Variants in DOCK8 observed in about 807,000 individuals in gnomAD.
DOCK8 encodes dedicator of cytokinesis 8, also known as dedicator of cytokinesis protein 8.
A neutral mutation model predicts 245.6 loss-of-function variants in DOCK8; 141 were observed. That is an observed-to-expected ratio of 0.57 (90% CI 0.50 to 0.66). DOCK8 has a LOEUF of 0.66. DOCK8 is among the 30% of genes least tolerant of loss of function. DOCK8 has a pLI of 0.00. For missense variants in DOCK8, 2,965 were observed against 2,603.4 expected, an observed-to-expected ratio of 1.14 and a Z score of -3.02; for synonymous variants, 1,168 against 970.2, an observed-to-expected ratio of 1.20 and a Z score of -3.79.
Position 407,089 on chromosome 9 carries a change from A to T in DOCK8, c.3530+20A>T, listed in dbSNP as rs370543428. ...GGAAGGGTATGTTTCTGGCATTTAA[A>T]ATGGAAGATGAAGCCAAAAAAACAG... On this transcript the variant is annotated intron_variant, in intron 28 of 47. Coordinates refer to ENST00000432829, the MANE Select transcript of DOCK8 (RefSeq NM_203447.4). 183 of 1,613,962 alleles carry T rather than the reference A, an allele frequency of 1.1e-4. No homozygotes were observed. The highest frequency in any genetic ancestry group is 9.9e-4 in the Middle Eastern group (6 of 6,062).
intron 9 of DOCK8, 103 bp downstream of exon 9, chr9:328,274 C>G (rs929428115): frequency 2.2e-6 from 3 of 1,384,932 alleles, no homozygotes; most frequent in Middle Eastern, 1.8e-4. Flanking sequence ...GTCCACATAT[C>G]CTCTGAGATT....
At chr9:339,872 C>A (rs1021296387) in intron 13 of DOCK8, among the ~76,000 whole-genome samples, 1 of 152,176 alleles carries the variant, frequency 6.6e-6, no homozygotes. Flanking sequence ...AGTTACTTAA[C>A]AATGTAAAAT....
chr9:304,767 C>T, intron 5 of DOCK8, 63 bp downstream of exon 5: 1 of 1,611,028 alleles, frequency 6.2e-7, no homozygotes, highest in Non-Finnish European at 8.5e-7. Flanking sequence ...GGCATGCTGT[C>T]AGTTTTACAA....
intron 14 of DOCK8, among the ~76,000 whole-genome samples, chr9:353,331 C>T (rs1214189310): frequency 6.6e-6 from 1 of 152,166 alleles, no homozygotes; most frequent in African/African-American, 2.4e-5. Context: ...CCCCTGATTC[C>T]AATACTTTCT....
chr9:455,434 G>A (rs895394496), intron 46 of DOCK8, among the ~76,000 whole-genome samples: 6 of 152,152 alleles, frequency 3.9e-5, no homozygotes, highest in East Asian at 3.8e-4. Context: ...GCTTGAGCCC[G>A]AGGAGGTCAA....
chr9:440,063 G>A (rs530930858), intron 40 of DOCK8, among the ~76,000 whole-genome samples: 3 of 152,140 alleles, frequency 2.0e-5, no homozygotes, highest in African/African-American at 7.2e-5. Context: ...CTGTCGCCCA[G>A]GCTGGAATGC....
rs931573623 is a variant in DOCK8 at position 215,609 on chromosome 9, A to C, written c.53+580A>C. On this transcript the variant is annotated intron_variant, in intron 1 of 47. Transcript: ENST00000432829. Reference sequence around the variant, plus strand: ...AAGGAGCCATGAAGTGGAAAAAGTGATTTTTTAAAAAATCTACACTTAAAT... The same window carrying C: ...AAGGAGCCATGAAGTGGAAAAAGTGCTTTTTTAAAAAATCTACACTTAAAT... 6 of 573,298 alleles carry C rather than the reference A, an allele frequency of 1.0e-5. No individual in the cohort carries two copies. The Admixed American group carries it at 1.3e-4, about 13-fold the overall frequency. 35.5% of individuals were successfully genotyped at this position (573,298 alleles called of 1,614,324 possible). A position where few individuals can be genotyped will look rare whatever the true frequency, so the allele number is the denominator to read the frequency against.
intron 26 of DOCK8, among the ~76,000 whole-genome samples, chr9:400,973 ACCATCACCACCTCCT>A (rs2055036107): frequency 2.1e-5 from 3 of 142,730 alleles, no homozygotes; most frequent in Admixed American, 7.0e-5. Flanking sequence ...CACCTCCTCC[ACCATCACCACCTCCT>A]CCACCACCAC....
At chr9:234,397 G>C (rs768483887) in intron 1 of DOCK8, among the ~76,000 whole-genome samples, 7 of 152,262 alleles carry the variant, frequency 4.6e-5, no homozygotes, top group African/African-American at 1.7e-4. Flanking sequence ...TTCTCAAGGA[G>C]TATCTTTGTG....
intron 23 of DOCK8, among the ~76,000 whole-genome samples, chr9:387,761 T>G (rs1023410883): frequency 3.9e-5 from 6 of 152,244 alleles, no homozygotes; most frequent in South Asian, 4.1e-4. Context: ...AATTTAATAT[T>G]AGGCTATCAC....
chr9:463,815 C>A, intron 47 of DOCK8, 128 bp downstream of exon 47: 1 of 1,119,444 alleles, frequency 8.9e-7, no homozygotes, highest in Non-Finnish European at 1.3e-6. Context: ...GAGGGTCCCA[C>A]AGTCAGAGAG....
intron 10 of DOCK8, among the ~76,000 whole-genome samples, chr9:333,332 TG>T (rs2051119030): frequency 1.3e-5 from 2 of 152,246 alleles, no homozygotes; most frequent in Admixed American, 1.3e-4. Context: ...CCGGGCGTGG[TG>T]GCTCACACCT....
intron 42 of DOCK8, 30 bp from the exon 43 acceptor site, chr9:443,397 C>A: frequency 1.9e-6 from 3 of 1,596,488 alleles, no homozygotes; most frequent in Non-Finnish European, 2.6e-6. Context: ...TTAAAATAAC[C>A]TTTATAAACT....
At chr9:385,527 G>A (rs530547051) in intron 22 of DOCK8, among the ~76,000 whole-genome samples, 26 of 152,120 alleles carry the variant, frequency 1.7e-4, no homozygotes, top group African/African-American at 5.5e-4. Context: ...CCTTCTTTAC[G>A]TTTACTGTGT....
chr9:214,338 A>G, upstream of DOCK8: 1 of 643,952 alleles, frequency 1.6e-6, no homozygotes, highest in Non-Finnish European at 2.6e-6. Flanking sequence ...GAGAACTCAT[A>G]ATGTTTATTC....
intron 14 of DOCK8, among the ~76,000 whole-genome samples, chr9:359,395 G>A (rs12335885): frequency 0.26 from 40,183 of 151,878 alleles, 5,522 homozygotes; most frequent in African/African-American, 0.31. Context: ...TCTGAATGAG[G>A]CTAATAGTAG....
chr9:443,539 T>C, intron 43 of DOCK8, 23 bp downstream of exon 43: 1 of 1,581,060 alleles, frequency 6.3e-7, no homozygotes, highest in Non-Finnish European at 8.7e-7. Flanking sequence ...TTACAAAAAC[T>C]AACCATCAAG....
intron 1 of DOCK8, among the ~76,000 whole-genome samples, chr9:271,008 C>A (rs574324868): frequency 6.6e-6 from 1 of 152,316 alleles, no homozygotes; most frequent in Admixed American, 6.5e-5. Flanking sequence ...GGAACAATTT[C>A]CTCTCATGTG....
intron 24 of DOCK8, among the ~76,000 whole-genome samples, chr9:392,752 C>G (rs1191255382): frequency 6.6e-6 from 1 of 152,070 alleles, no homozygotes; most frequent in African/African-American, 2.4e-5. Context: ...GACATGAGCT[C>G]CATGCTCTGG....
Sources: gnomAD v4.1 joint callset for allele counts (sites outside exome capture counted in the v4.1 genomes callset) on GRCh38, gnomAD v4.1.1 for gene constraint, MANE v1.5 for transcripts, NCBI Gene and HGNC (gene_info 2026-07-23, HGNC 2026-07-21) for gene names.